The following FRMD3 variants were observed in gnomAD, a reference collection of about 807,000 sequenced individuals.
The protein encoded by FRMD3 is FERM domain-containing protein 3.
A neutral mutation model predicts 70.2 loss-of-function variants in FRMD3; 33 were observed. The observed-to-expected ratio is 0.47, with a 90% CI of 0.36 to 0.63. The LOEUF is 0.63. Ranked by LOEUF, FRMD3 falls within the 20% of genes least tolerant of loss-of-function variation. The pLI is 0.00. For missense variants in FRMD3, 632 were observed against 711.4 expected (o/e 0.89, Z 1.27); for synonymous variants, 279 against 255.9 (o/e 1.09, Z -0.86).
At chr9:83,545,486 T>C in the FRMD3 span, among the ~76,000 whole-genome samples, 3 of 150,976 alleles carry the variant, frequency 2.0e-5, no homozygotes, top group Non-Finnish European at 4.4e-5. Context: ...GCCTCTCAAG[T>C]AGCTAGGACT....
At chr9:83,585,541 G>A in the FRMD3 span, among the ~76,000 whole-genome samples, 1 of 152,118 alleles carries the variant, frequency 6.6e-6, no homozygotes, top group East Asian at 1.9e-4. Context: ...GCAGCATTGA[G>A]CTTATACTCA....
Position 83,336,932 on chromosome 9 carries a change from G to A in FRMD3, c.473-1293C>T, listed in dbSNP as rs1011008217. 2.6e-5 allele frequency among the ~76,000 whole-genome samples: 4 copies of A among 152,086 alleles called. No homozygotes were observed. In the East Asian group the frequency reaches 7.7e-4, roughly 29 times the overall value. On this transcript the variant is annotated intron_variant, in intron 5 of 13. Transcript: ENST00000304195. ...ACTGATCAGCATTCCTTCCTGGTAA[G>A]AGACCACTGACTACAAAGTGGTTCT...
chr9:83,467,994 G>A (rs1395654689), intron 1 of FRMD3, among the ~76,000 whole-genome samples: 3 of 150,960 alleles, frequency 2.0e-5, no homozygotes, highest in Non-Finnish European at 4.4e-5. Context: ...CTATCCTTAG[G>A]AAAATTCTAA....
At chr9:83,516,003 C>G (rs895405137) in intron 1 of FRMD3, among the ~76,000 whole-genome samples, 4 of 152,116 alleles carry the variant, frequency 2.6e-5, no homozygotes, top group South Asian at 2.1e-4. Flanking sequence ...CGATACCAGC[C>G]ACTACAAAAA....
intron 3 of FRMD3, among the ~76,000 whole-genome samples, chr9:83,360,835 A>C (rs11140051): frequency 0.087 from 13,227 of 152,306 alleles, 624 homozygotes; most frequent in East Asian, 0.15. Flanking sequence ...TATAAAATTA[A>C]GGGTTTTTGT....
At chr9:83,435,562 G>T (rs1442549058) in intron 1 of FRMD3, among the ~76,000 whole-genome samples, 1 of 152,036 alleles carries the variant, frequency 6.6e-6, no homozygotes, top group Non-Finnish European at 1.5e-5. Context: ...CCACCACCGA[G>T]AAGGCTGTCT....
chr9:83,331,713 C>A, intron 6 of FRMD3: 1 of 647,940 alleles, frequency 1.5e-6, no homozygotes, highest in Admixed American at 2.6e-5. Flanking sequence ...ATCTCTGTGC[C>A]TTCCTTTCAA....
rs1389611008 is a variant in FRMD3, at chr9:83,245,149, G to C, written c.*2769C>G. ...GCAAAATAAGCACAATTATGCATGA[G>C]GGGCATATATGTTGTGTCTATTCAA... On this transcript the variant is annotated 3_prime_UTR_variant, in exon 14 of 14. Coordinates refer to ENST00000304195, the MANE Select transcript of FRMD3 (RefSeq NM_174938.6). 2 of 984,998 alleles carry C rather than the reference G, an allele frequency of 2.0e-6. No homozygotes were observed. Among genetic ancestry groups the C allele is most frequent in the East Asian group, 2.3e-4 (2 of 8,820 alleles). The allele number at this position is 984,998 out of a possible 1,614,324, so 61.0% of individuals were successfully genotyped here. A position where few individuals can be genotyped will look rare whatever the true frequency, so the allele number is the denominator to read the frequency against.
At chr9:83,562,463 C>T in the FRMD3 span, among the ~76,000 whole-genome samples, 3 of 152,194 alleles carry the variant, frequency 2.0e-5, no homozygotes, top group African/African-American at 4.8e-5. Context: ...GATCTGAAAG[C>T]TTAACAAAAA....
At chr9:83,506,032 A>AGCTGGTCAGCTGC (rs1211883200) in intron 1 of FRMD3, among the ~76,000 whole-genome samples, 3 of 152,192 alleles carry the variant, frequency 2.0e-5, no homozygotes, top group Non-Finnish European at 2.9e-5. Context: ...CCCACCACGC[A>AGCTGGTCAGCTGC]GCTGGTCAGC....
At chr9:83,566,100 T>C in the FRMD3 span, among the ~76,000 whole-genome samples, 1 of 152,102 alleles carries the variant, frequency 6.6e-6, no homozygotes, top group African/African-American at 2.4e-5. Context: ...TACCCGAGAC[T>C]GAGAAGAAAA....
chr9:83,250,722 A>G (rs1300929959), intron 13 of FRMD3, among the ~76,000 whole-genome samples: 2 of 152,222 alleles, frequency 1.3e-5, no homozygotes, highest in African/African-American at 4.8e-5. Flanking sequence ...CCCACAATGT[A>G]GCACAGCTGT....
At chr9:83,526,584 G>T (rs774694499) in intron 1 of FRMD3, among the ~76,000 whole-genome samples, 2 of 152,156 alleles carry the variant, frequency 1.3e-5, no homozygotes, top group Non-Finnish European at 2.9e-5. Context: ...GCCCCAGCCT[G>T]CACTTGGTGC....
At chr9:83,542,632 C>T (rs185516987), upstream of FRMD3, among the ~76,000 whole-genome samples, 60 of 152,196 alleles carry the variant, frequency 3.9e-4, no homozygotes, top group African/African-American at 1.4e-3. Context: ...AAGGCAAAAA[C>T]CCAGAGTAGC....
intron 1 of FRMD3, among the ~76,000 whole-genome samples, chr9:83,407,873 C>CT (rs1564062738): frequency 9.8e-5 from 9 of 91,918 alleles, no homozygotes; most frequent in Non-Finnish European, 1.4e-4. Flanking sequence ...CTCTCTCTCT[C>CT]ATCTTTCTCT....
At chr9:83,389,245 G>A (rs902012882) in intron 2 of FRMD3, among the ~76,000 whole-genome samples, 2 of 152,136 alleles carry the variant, frequency 1.3e-5, no homozygotes, top group African/African-American at 4.8e-5. Context: ...ACAGAGCCCA[G>A]CCTCAATAGC....
At chr9:83,539,916 G>T (rs550900383), upstream of FRMD3, among the ~76,000 whole-genome samples, 1 of 152,314 alleles carries the variant, frequency 6.6e-6, no homozygotes, top group East Asian at 1.9e-4. Flanking sequence ...CTTGAGCTGG[G>T]CCCTTCAAAT....
chr9:83,361,100 T>C (rs1471387445), intron 3 of FRMD3, among the ~76,000 whole-genome samples: 2 of 152,232 alleles, frequency 1.3e-5, no homozygotes, highest in Non-Finnish European at 2.9e-5. Flanking sequence ...ATAGCTGCTC[T>C]TCTTGGAAAG....
At chr9:83,538,477 C>T, upstream of FRMD3, 1 of 341,480 alleles carries the variant, frequency 2.9e-6, no homozygotes, top group East Asian at 4.4e-5. This position sits in a 1 kb window ranked among gnomAD's most constrained non-coding sequence, Gnocchi z 4.7. Context: ...CGCGCGCGCT[C>T]GTGCGCCTCC....
Sources: allele counts gnomAD v4.1 joint callset (sites outside exome capture counted in the v4.1 genomes callset), GRCh38; gene constraint gnomAD v4.1.1; non-coding constraint Gnocchi (gnomAD v3.1); transcripts MANE v1.5; gene names NCBI Gene and HGNC (gene_info 2026-07-23, HGNC 2026-07-21).